Variants in PCDH15 observed in about 807,000 individuals in gnomAD.
The protein encoded by PCDH15 is protocadherin-15.
Under a neutral mutation model 178.5 loss-of-function variants are expected in PCDH15, and 129 were observed. The observed-to-expected ratio is 0.72, with a 90% CI of 0.63 to 0.84. The LOEUF (loss-of-function observed/expected upper bound fraction) is 0.84. PCDH15 is among the 40% of genes least tolerant of loss of function. The pLI is 0.00. For synonymous variants in PCDH15, 800 were observed against 732.0 expected, an observed-to-expected ratio of 1.09 and a Z score of -1.50; for missense variants, 2,230 against 2,099.9, an observed-to-expected ratio of 1.06 and a Z score of -1.21.
At chr10:55,009,240 G>T (rs1184600051) in intron 2 of PCDH15, among the ~76,000 whole-genome samples, 7 of 136,082 alleles carry the variant, frequency 5.1e-5, no homozygotes, top group Admixed American at 3.1e-4. Context: ...TGTTTTAATT[G>T]CACGCACAGA....
At chr10:55,156,051 C>A (rs1838452) in intron 2 of PCDH15, among the ~76,000 whole-genome samples, 1 of 151,856 alleles carries the variant, frequency 6.6e-6, no homozygotes, top group Non-Finnish European at 1.5e-5. Context: ...ACGAAGAGAA[C>A]AATGATTTCC....
intron 3 of PCDH15, among the ~76,000 whole-genome samples, chr10:54,821,888 A>G (rs1490364841): frequency 6.6e-6 from 1 of 152,074 alleles, no homozygotes. Context: ...TTAATCTTAA[A>G]CACGCTTTGA....
At chr10:54,769,734 C>A (rs182417596) in intron 1 of PCDH15, among the ~76,000 whole-genome samples, 6 of 152,136 alleles carry the variant, frequency 3.9e-5, no homozygotes, top group African/African-American at 1.4e-4. Context: ...GTCAGCAGTC[C>A]AGCTCTGGTG....
chr10:54,583,037 T>C lies in PCDH15; in HGVS notation c.92-55160A>G, dbSNP rs2091175444. Reference sequence around the variant, plus strand: ...TTGCATATATACAATCTGAGCTTTTTGATCAGGAAAAAAATTTAAAAGAAT... The same window carrying C: ...TTGCATATATACAATCTGAGCTTTTCGATCAGGAAAAAAATTTAAAAGAAT... On this transcript the variant is annotated intron_variant, in intron 2 of 37. Coordinates refer to ENST00000644397, the MANE Select transcript of PCDH15 (RefSeq NM_001384140.1). Among the ~76,000 whole-genome samples the C allele has an allele frequency of 2.0e-5, 3 of 151,808 alleles. No individual in the cohort carries two copies. The South Asian group carries it at 6.2e-4, about 31-fold the overall frequency.
intron 6 of PCDH15, among the ~76,000 whole-genome samples, chr10:54,344,098 A>G (rs934749145): frequency 5.3e-5 from 8 of 152,158 alleles, no homozygotes; most frequent in African/African-American, 1.9e-4. Flanking sequence ...TGAGGTTTAC[A>G]CTAATTTTAT....
intron 18 of PCDH15, among the ~76,000 whole-genome samples, chr10:54,058,694 CTTTCTT>C (rs1409391907): frequency 3.5e-4 from 34 of 95,994 alleles, no homozygotes; most frequent in Non-Finnish European, 5.3e-4. Flanking sequence ...TTCTTTCTTT[CTTTCTT>C]TTTTTTTTTT....
intron 10 of PCDH15, among the ~76,000 whole-genome samples, chr10:54,197,886 G>A (rs978304269): frequency 6.6e-6 from 1 of 152,122 alleles, no homozygotes. Flanking sequence ...GGGAGGTAAT[G>A]TCATATAATG....
intron 2 of PCDH15, among the ~76,000 whole-genome samples, chr10:55,572,884 CT>C (rs1316318851): frequency 6.6e-6 from 1 of 151,994 alleles, no homozygotes; most frequent in Admixed American, 6.6e-5. Context: ...AGCAAGATGA[CT>C]AGTATGGCTG....
At chr10:55,080,333 T>C (rs1842006489) in intron 2 of PCDH15, among the ~76,000 whole-genome samples, 1 of 152,122 alleles carries the variant, frequency 6.6e-6, no homozygotes, top group African/African-American at 2.4e-5. Flanking sequence ...TTGTAAACTG[T>C]GCATGTGAGG....
chr10:54,762,746 C>T (rs1948048629), intron 1 of PCDH15, among the ~76,000 whole-genome samples: 1 of 151,896 alleles, frequency 6.6e-6, no homozygotes, highest in Non-Finnish European at 1.5e-5. Context: ...TTATGAAATG[C>T]TTAAGCATTT....
intron 2 of PCDH15, among the ~76,000 whole-genome samples, chr10:55,535,301 T>C (rs1841549267): frequency 6.6e-6 from 1 of 152,040 alleles, no homozygotes. Context: ...TCCAGGAACA[T>C]TTGAGGAACT....
At chr10:55,236,738 A>G (rs1473171071) in intron 1 of PCDH15, among the ~76,000 whole-genome samples, 3 of 152,152 alleles carry the variant, frequency 2.0e-5, no homozygotes, top group Non-Finnish European at 4.4e-5. Flanking sequence ...TATACATATG[A>G]TGGAAAATAT....
chr10:55,401,141 A>C (rs1018748232), intron 2 of PCDH15, among the ~76,000 whole-genome samples: 1 of 152,070 alleles, frequency 6.6e-6, no homozygotes, highest in African/African-American at 2.4e-5. Flanking sequence ...TCCAAGTTCC[A>C]AACAATTGAT....
At chr10:55,074,680 A>G (rs1217222400) in intron 2 of PCDH15, among the ~76,000 whole-genome samples, 1 of 152,024 alleles carries the variant, frequency 6.6e-6, no homozygotes, top group East Asian at 1.9e-4. Context: ...GTTTGCTCTG[A>G]TGATAGTTTC....
At chr10:53,917,789 G>A (rs1276194256) in intron 25 of PCDH15, among the ~76,000 whole-genome samples, 2 of 152,152 alleles carry the variant, frequency 1.3e-5, no homozygotes, top group Non-Finnish European at 2.9e-5. Context: ...GGCCTGGTGG[G>A]AGGTGCTTGG....
intron 20 of PCDH15, among the ~76,000 whole-genome samples, chr10:53,996,610 A>C (rs1382536810): frequency 2.0e-5 from 3 of 152,172 alleles, no homozygotes; most frequent in African/African-American, 7.2e-5. Flanking sequence ...AGTAACTTTG[A>C]CTAAATTAAT....
chr10:54,624,504 G>A (rs2093481935), intron 2 of PCDH15, among the ~76,000 whole-genome samples: 1 of 152,176 alleles, frequency 6.6e-6, no homozygotes, highest in Non-Finnish European at 1.5e-5. Context: ...AGACTTCAGT[G>A]GAAACTGGGT....
At chr10:54,670,528 C>A (rs968197696) in intron 1 of PCDH15, among the ~76,000 whole-genome samples, 1 of 151,916 alleles carries the variant, frequency 6.6e-6, no homozygotes, top group African/African-American at 2.4e-5. Flanking sequence ...AATGACTGAC[C>A]AATATAATTA....
intron 3 of PCDH15, among the ~76,000 whole-genome samples, chr10:54,876,256 T>TTG (rs2131800686): frequency 6.6e-6 from 1 of 152,178 alleles, no homozygotes; most frequent in East Asian, 1.9e-4. Context: ...AAAAAAATTT[T>TTG]TAATATTCCT....
Sources: gnomAD v4.1 joint callset for allele counts (sites outside exome capture counted in the v4.1 genomes callset) on GRCh38, gnomAD v4.1.1 for gene constraint, MANE v1.5 for transcripts, NCBI Gene and HGNC (gene_info 2026-07-23, HGNC 2026-07-21) for gene names.